DCUN1D4: variants seen among roughly 807,000 people sequenced by gnomAD.
DCUN1D4 encodes the protein DCN1-like protein 4.
A neutral mutation model predicts 47.9 loss-of-function variants in DCUN1D4; 22 were observed. The observed-to-expected ratio is 0.46, with a 90% CI of 0.33 to 0.66. The LOEUF (loss-of-function observed/expected upper bound fraction) is 0.66, where lower values mean the gene tolerates loss of function less well. Ranked by LOEUF, DCUN1D4 falls within the 30% of genes least tolerant of loss-of-function variation. The pLI is 0.02. For synonymous variants in DCUN1D4, 121 were observed against 112.2 expected (o/e 1.08, Z -0.50); for missense variants, 301 against 340.8 (o/e 0.88, Z 0.92).
intron 1 of DCUN1D4, among the ~76,000 whole-genome samples, chr4:51,851,222 C>G (rs982562885): frequency 1.3e-5 from 2 of 152,038 alleles, no homozygotes; most frequent in South Asian, 2.1e-4. Flanking sequence ...TGGGGGAGAC[C>G]GGGGCTTCAG....
the DCUN1D4 span, among the ~76,000 whole-genome samples, chr4:51,837,654 C>CAAAAAAAAAAAAAAAAA: frequency 1.1e-4 from 5 of 46,188 alleles, no homozygotes; most frequent in Admixed American, 4.1e-4. Flanking sequence ...GACTCCGTCT[C>CAAAAAAAAAAAAAAAAA]AAAAAAAAAA....
chr4:51,839,383 T>C (rs1721575876), upstream of DCUN1D4, among the ~76,000 whole-genome samples: 1 of 152,212 alleles, frequency 6.6e-6, no homozygotes, highest in African/African-American at 2.4e-5. Context: ...AACTTACCTG[T>C]AGATTGGGGA....
intron 1 of DCUN1D4, chr4:51,844,463 G>C (rs1259768707): frequency 1.0e-6 from 1 of 957,200 alleles, no homozygotes; most frequent in African/African-American, 1.8e-5. Context: ...GGGCTGCGGG[G>C]TTTCAGCAGC....
At chr4:51,891,101 C>A (rs1730355327) in intron 6 of DCUN1D4, among the ~76,000 whole-genome samples, 1 of 152,230 alleles carries the variant, frequency 6.6e-6, no homozygotes, top group African/African-American at 2.4e-5. Flanking sequence ...ATAGTGAATT[C>A]ACAAACATTA....
chr4:51,874,010 A>C (rs1727291733), intron 3 of DCUN1D4, among the ~76,000 whole-genome samples: 1 of 152,200 alleles, frequency 6.6e-6, no homozygotes, highest in Non-Finnish European at 1.5e-5. Context: ...ATTTTTGGAG[A>C]GTAAATTGAA....
At chr4:51,900,674 A>C (rs150147932) in intron 8 of DCUN1D4, among the ~76,000 whole-genome samples, 108 of 152,336 alleles carry the variant, frequency 7.1e-4, no homozygotes, top group African/African-American at 2.5e-3. Flanking sequence ...TCGAGGTTAA[A>C]AAAAGAAAAA....
Position 51,901,441 on chromosome 4 carries a change from C to T in DCUN1D4, c.615+2063C>T, listed in dbSNP as rs188361147. On this transcript the variant is annotated intron_variant, in intron 8 of 10. Transcript: ENST00000334635. The stretch of plus-strand genomic sequence containing the variant: ...CCCTCACAACTAAGTCCCAAGCTTC[C>T]CCACTCAACGCCTGCATTATGATGA... 2.6e-3 allele frequency among the ~76,000 whole-genome samples: 389 copies of T among 152,300 alleles called. 1 individual carries two copies. Among genetic ancestry groups the T allele is most frequent in the Non-Finnish European group, 4.3e-3 (292 of 68,032 alleles).
At chr4:51,876,914 T>G (rs896533112) in intron 4 of DCUN1D4, among the ~76,000 whole-genome samples, 5 of 152,212 alleles carry the variant, frequency 3.3e-5, no homozygotes, top group African/African-American at 1.2e-4. Context: ...TATATATAAG[T>G]AAGGGATATA....
chr4:51,861,993 G>A (rs1336674714), intron 1 of DCUN1D4, among the ~76,000 whole-genome samples: 4 of 152,142 alleles, frequency 2.6e-5, no homozygotes, highest in Non-Finnish European at 4.4e-5. Flanking sequence ...CTGTGCAGTC[G>A]TATTTAGATG....
At chr4:51,840,816 G>A (rs187021405), upstream of DCUN1D4, among the ~76,000 whole-genome samples, 6 of 152,284 alleles carry the variant, frequency 3.9e-5, no homozygotes, top group South Asian at 2.1e-4. Context: ...TTTGTAAAAC[G>A]TGGGGGCAGT....
chr4:51,843,133 G>A (rs1577794259), upstream of DCUN1D4: 1 of 1,496,714 alleles, frequency 6.7e-7, no homozygotes, highest in Non-Finnish European at 8.9e-7. Flanking sequence ...CGGGCTGGGA[G>A]TGCCCGGCGG....
In DCUN1D4 at chr4:51,843,207, A is replaced by C. The variant is rs993649285; in HGVS notation, c.-36A>C. On this transcript the variant is annotated 5_prime_UTR_variant, in exon 1 of 11. Coordinates refer to ENST00000334635, the MANE Select transcript of DCUN1D4 (RefSeq NM_001040402.3). ...GGGGGGACCGCGAGGCGAGCGCGGGAGCCTGGGCGGCGAGCCGGGTGTGAG... is the reference window on the plus strand; with the variant it reads ...GGGGGGACCGCGAGGCGAGCGCGGGCGCCTGGGCGGCGAGCCGGGTGTGAG... 2 of 1,538,790 alleles carry C rather than the reference A, an allele frequency of 1.3e-6. No homozygotes were observed. The highest frequency in any genetic ancestry group is 2.8e-5 in the African/African-American group (2 of 71,974).
At chr4:51,895,851 AT>A (rs929003410) in intron 7 of DCUN1D4, among the ~76,000 whole-genome samples, 10 of 152,248 alleles carry the variant, frequency 6.6e-5, no homozygotes, top group African/African-American at 2.4e-4. Context: ...ACTTCTACAC[AT>A]TTTTTTATAC....
intron 8 of DCUN1D4, 129 bp from the exon 9 acceptor site, chr4:51,910,941 C>A: frequency 1.2e-6 from 1 of 849,464 alleles, no homozygotes; most frequent in Non-Finnish European, 1.9e-6. Flanking sequence ...AGTCTGGATG[C>A]AGGGTCTTTA....
At chr4:51,855,034 T>C (rs941611856) in intron 1 of DCUN1D4, among the ~76,000 whole-genome samples, 4 of 152,110 alleles carry the variant, frequency 2.6e-5, no homozygotes, top group African/African-American at 7.2e-5. Flanking sequence ...CCAAAAGATA[T>C]TGGGATAGAG....
intron 3 of DCUN1D4, among the ~76,000 whole-genome samples, chr4:51,864,703 G>A (rs1209776517): frequency 6.6e-6 from 1 of 152,132 alleles, no homozygotes; most frequent in African/African-American, 2.4e-5. Flanking sequence ...CCATTAATGA[G>A]GGCTCTACCT....
intron 8 of DCUN1D4, among the ~76,000 whole-genome samples, chr4:51,899,984 A>T (rs1036498952): frequency 3.3e-5 from 5 of 152,196 alleles, no homozygotes; most frequent in African/African-American, 1.2e-4. Context: ...TACATAGAGA[A>T]TTTTGAAGCA....
chr4:51,866,771 G>A (rs1435915999), intron 3 of DCUN1D4, among the ~76,000 whole-genome samples: 1 of 152,188 alleles, frequency 6.6e-6, no homozygotes, highest in Non-Finnish European at 1.5e-5. Context: ...AGTATACTTG[G>A]ACTCATGCCT....
intron 4 of DCUN1D4, among the ~76,000 whole-genome samples, chr4:51,877,022 C>A (rs1727824146): frequency 6.6e-6 from 1 of 152,024 alleles, no homozygotes; most frequent in South Asian, 2.1e-4. Context: ...TTCCTCAGCC[C>A]CTGGTTATTA....
Sources: gnomAD v4.1 joint callset for allele counts (sites outside exome capture counted in the v4.1 genomes callset) on GRCh38, gnomAD v4.1.1 for gene constraint, MANE v1.5 for transcripts, NCBI Gene and HGNC (gene_info 2026-07-23, HGNC 2026-07-21) for gene names.